MED13L: variants seen among roughly 807,000 people sequenced by gnomAD.
The protein encoded by MED13L is mediator complex subunit 13L.
MED13L carries 7 observed loss-of-function variants against 220.9 expected under a neutral mutation model. The observed-to-expected ratio is 0.03, with a 90% CI of 0.02 to 0.06. The LOEUF (loss-of-function observed/expected upper bound fraction) is 0.06. MED13L is among the 10% of genes least tolerant of loss of function. The pLI is 1.00. For missense variants in MED13L, 1,965 were observed against 2,760.5 expected (o/e 0.71, Z 6.46); for synonymous variants, 1,011 against 1,015.2 (o/e 1.00, Z 0.08).
chr12:116,031,752 A>AGG (rs1352617205), intron 4 of MED13L, among the ~76,000 whole-genome samples: 6,924 of 30,084 alleles, frequency 0.23, 842 homozygotes, highest in Admixed American at 0.26. Flanking sequence ...AAAGAAAAGA[A>AGG]AAGAAAAGAA....
chr12:116,245,124 C>T (rs1038642572), intron 1 of MED13L, among the ~76,000 whole-genome samples: 3 of 152,102 alleles, frequency 2.0e-5, no homozygotes, highest in African/African-American at 7.2e-5. Context: ...CACAGGCAAA[C>T]TGAAGGCACG....
chr12:116,009,179 G>C (rs371718316), intron 9 of MED13L, 47 bp from the exon 10 acceptor site: 14 of 1,607,642 alleles, frequency 8.7e-6, no homozygotes, highest in African/African-American at 1.3e-5. Flanking sequence ...TAAGAAAAGA[G>C]ATTCTCTGAC....
chr12:116,237,660 G>A lies in MED13L; in HGVS notation c.118C>T (p.His40Tyr). 1 of 1,614,156 alleles carries A rather than the reference G, an allele frequency of 6.2e-7. No homozygotes were observed. The stretch of plus-strand genomic sequence containing the variant: ...GAAATTATGGGTCCACAGTCCCCAT[G>A]CCCTCCAAAATTGTACCTACGCCAT... ...IKWRRYNFGG[H>Y]GDCGPIISAP... The change falls in exon 2 of 31, where the codon CAT becomes TAT. Residue 40 changes from histidine to tyrosine, a missense_variant. Around this residue, in one of 10 missense-constraint regions of MED13L, gnomAD observed 818 missense variants for 1,041.2 expected, o/e 0.79. Coordinates refer to ENST00000281928, the MANE Select transcript of MED13L (RefSeq NM_015335.5).
At chr12:116,163,639 A>G (rs1879047523) in intron 2 of MED13L, among the ~76,000 whole-genome samples, 1 of 152,156 alleles carries the variant, frequency 6.6e-6, no homozygotes, top group Admixed American at 6.5e-5. Context: ...CTGGGATTAC[A>G]CTGTGCCTGG....
At chr12:116,206,021 C>T (rs552879029) in intron 2 of MED13L, among the ~76,000 whole-genome samples, 225 of 147,556 alleles carry the variant, frequency 1.5e-3, no homozygotes, top group Admixed American at 2.2e-3. Context: ...AGAAACCTAC[C>T]AAACTTTTGG....
intron 2 of MED13L, among the ~76,000 whole-genome samples, chr12:116,115,980 C>T (rs1874483114): frequency 6.6e-6 from 1 of 152,202 alleles, no homozygotes; most frequent in Non-Finnish European, 1.5e-5. Flanking sequence ...GTTAAACATA[C>T]ATTTACCATA....
chr12:116,242,670 T>C (rs1322801999), intron 1 of MED13L, among the ~76,000 whole-genome samples: 1 of 152,178 alleles, frequency 6.6e-6, no homozygotes, highest in Non-Finnish European at 1.5e-5. Flanking sequence ...TCATATATTA[T>C]TTCTAATACC....
intron 4 of MED13L, among the ~76,000 whole-genome samples, chr12:116,062,189 G>A (rs1212089150): frequency 6.6e-6 from 1 of 151,754 alleles, no homozygotes; most frequent in Admixed American, 6.6e-5. Flanking sequence ...ATTTTGCTCT[G>A]ACACCCAGGC....
intron 4 of MED13L, among the ~76,000 whole-genome samples, chr12:116,092,384 T>C (rs1023954822): frequency 2.6e-5 from 4 of 151,986 alleles, no homozygotes; most frequent in Admixed American, 2.0e-4. Context: ...AAGAGGAGGA[T>C]GGAGAGAAGG....
At chr12:116,024,158 T>C (rs1880232107) in intron 4 of MED13L, among the ~76,000 whole-genome samples, 2 of 152,242 alleles carry the variant, frequency 1.3e-5, no homozygotes, top group Non-Finnish European at 2.9e-5. Flanking sequence ...ACATGTTCTC[T>C]ATTCCACCGA....
chr12:116,075,788 A>G (rs554299352), intron 4 of MED13L, among the ~76,000 whole-genome samples: 33 of 152,308 alleles, frequency 2.2e-4, no homozygotes, highest in African/African-American at 7.5e-4. Flanking sequence ...CAGAGAAGCT[A>G]TAGTGGCACC....
chr12:116,134,352 C>T (rs1485720705), intron 2 of MED13L, among the ~76,000 whole-genome samples: 1 of 152,106 alleles, frequency 6.6e-6, no homozygotes, highest in Non-Finnish European at 1.5e-5. Flanking sequence ...CAAAAAGATA[C>T]AGATTCAGTG....
At chr12:116,010,364 T>C (rs967052528) in intron 9 of MED13L, among the ~76,000 whole-genome samples, 3 of 152,152 alleles carry the variant, frequency 2.0e-5, no homozygotes, top group Non-Finnish European at 4.4e-5. Context: ...ACCTAAAATT[T>C]AAAAGTCTTT....
At chr12:115,964,031 G>C (rs1430245180) in intron 29 of MED13L, among the ~76,000 whole-genome samples, 1 of 152,064 alleles carries the variant, frequency 6.6e-6, no homozygotes, top group African/African-American at 2.4e-5. Context: ...AGGATGCAGT[G>C]AGCTGTGATT....
intron 1 of MED13L, among the ~76,000 whole-genome samples, chr12:116,268,287 G>A (rs1452737980): frequency 1.3e-5 from 2 of 152,116 alleles, no homozygotes; most frequent in African/African-American, 4.8e-5. Flanking sequence ...AATACTAGGA[G>A]CTAGTTCCAA....
intron 2 of MED13L, among the ~76,000 whole-genome samples, chr12:116,212,624 G>A (rs1276966433): frequency 6.6e-6 from 1 of 151,818 alleles, no homozygotes; most frequent in East Asian, 1.9e-4. Context: ...AACCTAACAC[G>A]GTATTAAAAG....
At chr12:116,260,992 T>A (rs1056248168) in intron 1 of MED13L, among the ~76,000 whole-genome samples, 2 of 152,122 alleles carry the variant, frequency 1.3e-5, no homozygotes, top group African/African-American at 2.4e-5. Context: ...TTTTCTTTCT[T>A]CCTATTAGGA....
chr12:116,210,390 T>C (rs751914839), intron 2 of MED13L, among the ~76,000 whole-genome samples: 5 of 151,920 alleles, frequency 3.3e-5, no homozygotes, highest in Non-Finnish European at 7.4e-5. Context: ...ATGCATAATA[T>C]TGTTACTTCT....
At chr12:116,276,504 T>C (rs1873847549) in intron 1 of MED13L, 1 of 1,286,398 alleles carries the variant, frequency 7.8e-7, no homozygotes, top group Non-Finnish European at 1.0e-6. Flanking sequence ...GCTGTCGATG[T>C]TTACAATCGC....
Sources: allele counts gnomAD v4.1 joint callset (sites outside exome capture counted in the v4.1 genomes callset), GRCh38; gene constraint gnomAD v4.1.1; regional missense constraint gnomAD v4.1.1; transcripts MANE v1.5; gene names NCBI Gene and HGNC (gene_info 2026-07-23, HGNC 2026-07-21).